Variants in DNASE1L3 observed in about 807,000 individuals in gnomAD.
The protein encoded by DNASE1L3 is deoxyribonuclease 1L3, also known as deoxyribonuclease gamma.
In DNASE1L3, 27 loss-of-function variants were observed where a neutral mutation model predicts 30.9. The observed-to-expected ratio is 0.87, with a 90% CI of 0.64 to 1.20. The LOEUF (loss-of-function observed/expected upper bound fraction) is 1.20. Ranked by LOEUF, DNASE1L3 falls within the 50% of genes most tolerant of loss-of-function variation. The probability of loss-of-function intolerance (pLI) is 0.00; values close to 1 mark genes in which losing one functional copy is unlikely to be tolerated. For synonymous variants in DNASE1L3, 135 were observed against 138.0 expected (o/e 0.98, Z 0.15); for missense variants, 364 against 378.2 (o/e 0.96, Z 0.31).
chr3:58,194,038 A>G (rs954681951), intron 6 of DNASE1L3, among the ~76,000 whole-genome samples: 4 of 152,248 alleles, frequency 2.6e-5, no homozygotes, highest in African/African-American at 9.6e-5. Flanking sequence ...TTTCAGCAAG[A>G]AATTAAGCGA....
chr3:58,193,072 CATCTT>C (rs1265552147), intron 7 of DNASE1L3: 1 of 1,410,466 alleles, frequency 7.1e-7, no homozygotes, highest in Non-Finnish European at 9.1e-7. Flanking sequence ...GGCATCAACC[CATCTT>C]TTTTTTTTTT....
rs2097394861 is a variant in DNASE1L3, at chr3:58,192,529, G to A, written c.*158C>T. The A allele has an allele frequency of 2.7e-6, 2 of 754,358 alleles. No individual in the cohort carries two copies. Among genetic ancestry groups the A allele is most frequent in the Non-Finnish European group, 4.2e-6 (2 of 475,458 alleles). 46.7% of individuals were successfully genotyped at this position (754,358 alleles called of 1,614,324 possible). On this transcript the variant is annotated 3_prime_UTR_variant, in exon 8 of 8. Coordinates refer to ENST00000394549, the MANE Select transcript of DNASE1L3 (RefSeq NM_004944.4). This position sits in a 1 kb window ranked among gnomAD's most constrained non-coding sequence, Gnocchi z 4.8. The stretch of plus-strand genomic sequence containing the variant: ...GTATGAGACCAAGAGAGATACAAAA[G>A]ATTCTCCTTCCAATTTGGCTCAAGT...
At chr3:58,199,868 T>C (rs12494813) in intron 5 of DNASE1L3, among the ~76,000 whole-genome samples, 65,670 of 151,980 alleles carry the variant, frequency 0.43, 14,875 homozygotes, top group African/African-American at 0.56. Context: ...AGCAATGAAA[T>C]ACACCCCTGG....
intron 2 of DNASE1L3, 190 bp downstream of exon 2, chr3:58,208,023 CTATTT>C (rs1410022824): frequency 1.6e-5 from 8 of 506,734 alleles, no homozygotes; most frequent in Admixed American, 6.5e-5. Flanking sequence ...TTCCCCTATT[CTATTT>C]TATCACAGTA....
In DNASE1L3 at chr3:58,197,800, G is replaced by C; in HGVS notation, c.704+21C>G. On this transcript the variant is annotated intron_variant, in intron 6 of 7. Transcript: ENST00000394549. This position sits in a 1 kb window ranked among gnomAD's most constrained non-coding sequence, Gnocchi z 5.3. ...CACCAAGCACTGTGGTGAGCCAGCA[G>C]CACCCTGCAGGGCCTCCTACCTGTC... 1 of 1,613,016 alleles carries C rather than the reference G, an allele frequency of 6.2e-7. No homozygotes were observed. Among genetic ancestry groups the C allele is most frequent in the South Asian group, 1.1e-5 (1 of 91,022 alleles).
chr3:58,202,297 C>T (rs2097401166), intron 4 of DNASE1L3, among the ~76,000 whole-genome samples: 1 of 148,308 alleles, frequency 6.7e-6, no homozygotes, highest in Admixed American at 6.7e-5. Flanking sequence ...AGGCATGCAC[C>T]ATCATGCCTG....
At position 58,205,485 on chromosome 3, in the gene DNASE1L3, A is replaced by G. The variant is rs200875129; in HGVS notation, c.306T>C (p.Tyr102=). 6.2e-7 allele frequency: 1 copy of G among 1,613,832 alleles called. No homozygotes were observed. Among genetic ancestry groups the G allele is most frequent in the East Asian group, 2.2e-5 (1 of 44,882 alleles). Residue 102 remains tyrosine (Y), a synonymous_variant, in exon 3 of 8, where the codon TAT becomes TAC. Coordinates refer to ENST00000394549, the MANE Select transcript of DNASE1L3 (RefSeq NM_004944.4). ...GTGATACTTACTTGTAGAGAAAGGC[A>G]TATTGTTCTTTATATGTGTTTCTTC... ...RLGRNTYKEQ[Y]AFLYKEKLVS...
chr3:58,198,481 C>T (rs1187130900), intron 5 of DNASE1L3, among the ~76,000 whole-genome samples: 1 of 152,184 alleles, frequency 6.6e-6, no homozygotes, highest in Non-Finnish European at 1.5e-5. Flanking sequence ...GTTATGGCAG[C>T]TCTAGCAAAT....
chr3:58,198,116 G>C, intron 5 of DNASE1L3, 138 bp from the exon 6 acceptor site: 1 of 982,330 alleles, frequency 1.0e-6, no homozygotes, highest in Non-Finnish European at 1.5e-6. Flanking sequence ...TCTACCCCCT[G>C]CTCCCGCCCC....
At chr3:58,206,099 C>T (rs745784411) in intron 2 of DNASE1L3, among the ~76,000 whole-genome samples, 88 of 152,202 alleles carry the variant, frequency 5.8e-4, no homozygotes, top group Admixed American at 1.6e-3. Context: ...TTTGGGACCA[C>T]GATTTCAATT....
intron 5 of DNASE1L3, among the ~76,000 whole-genome samples, chr3:58,199,986 T>A (rs942520890): frequency 2.0e-5 from 3 of 152,166 alleles, no homozygotes. Flanking sequence ...AGGAGTCACA[T>A]TCCGAAACGA....
At chr3:58,193,582 C>T in intron 6 of DNASE1L3, 143 bp from the exon 7 acceptor site, 1 of 668,728 alleles carries the variant, frequency 1.5e-6, no homozygotes, top group Non-Finnish European at 2.6e-6. Flanking sequence ...TGGTTTTAGC[C>T]TGTGACCCCA....
intron 1 of DNASE1L3, 129 bp downstream of exon 1, chr3:58,210,637 A>T: frequency 7.1e-7 from 1 of 1,408,872 alleles, no homozygotes; most frequent in Non-Finnish European, 9.7e-7. Flanking sequence ...TGAAGTGGTT[A>T]TTGTTCCAAG....
rs112832878 is a variant in DNASE1L3 at position 58,194,339 on chromosome 3, G to A, written c.705-900C>T. Among the ~76,000 whole-genome samples, 3 of 20,140 alleles carry A rather than the reference G, an allele frequency of 1.5e-4. 1 individual carries two copies. The highest frequency in any genetic ancestry group is 3.7e-4 in the Non-Finnish European group (3 of 8,180). The allele number at this position is 20,140 out of a possible 152,430, so 13.2% of individuals were successfully genotyped here. A position where few individuals can be genotyped will look rare whatever the true frequency, so the allele number is the denominator to read the frequency against. On this transcript the variant is annotated intron_variant, in intron 6 of 7. Coordinates refer to ENST00000394549, the MANE Select transcript of DNASE1L3 (RefSeq NM_004944.4). ...CTTTTTTTTTTTTTTTTTTTTTTTT[G>A]AGACACAGTCATGCTCTGTCACCCA...
intron 4 of DNASE1L3, among the ~76,000 whole-genome samples, chr3:58,201,711 A>G (rs2097400658): frequency 6.6e-6 from 1 of 152,196 alleles, no homozygotes. Flanking sequence ...ATTATTAGCC[A>G]GTCGGGTTAG....
intron 5 of DNASE1L3, among the ~76,000 whole-genome samples, chr3:58,198,687 T>C (rs2097398825): frequency 6.6e-6 from 1 of 152,158 alleles, no homozygotes; most frequent in African/African-American, 2.4e-5. Context: ...GTGAATCTAT[T>C]CCCTCACATC....
At chr3:58,203,478 C>T (rs2097402063) in intron 4 of DNASE1L3, among the ~76,000 whole-genome samples, 2 of 152,182 alleles carry the variant, frequency 1.3e-5, no homozygotes, top group South Asian at 4.1e-4. Flanking sequence ...TGATTCTTGA[C>T]TCCATCGAGC....
chr3:58,196,839 T>G (rs1199127444), intron 6 of DNASE1L3, among the ~76,000 whole-genome samples: 1 of 152,220 alleles, frequency 6.6e-6, no homozygotes, highest in East Asian at 1.9e-4. Flanking sequence ...CACGAGGGAA[T>G]GCTAGGACTT....
At chr3:58,199,841 T>C (rs1351035765) in intron 5 of DNASE1L3, among the ~76,000 whole-genome samples, 2 of 152,224 alleles carry the variant, frequency 1.3e-5, no homozygotes, top group African/African-American at 4.8e-5. Context: ...ATCTTTCTTT[T>C]GACCTATTTA....
Sources: allele counts gnomAD v4.1 joint callset (sites outside exome capture counted in the v4.1 genomes callset), GRCh38; gene constraint gnomAD v4.1.1; non-coding constraint Gnocchi (gnomAD v3.1); transcripts MANE v1.5; gene names NCBI Gene and HGNC (gene_info 2026-07-23, HGNC 2026-07-21).